DOCK3: variants seen among roughly 807,000 people sequenced by gnomAD.
DOCK3 encodes dedicator of cytokinesis protein 3.
DOCK3 carries 60 observed loss-of-function variants against 265.6 expected under a neutral mutation model. The ratio of observed to expected loss-of-function variants is 0.23; its 90% CI spans 0.18 to 0.28. The LOEUF (loss-of-function observed/expected upper bound fraction) is 0.28. Among genes scored for constraint, DOCK3 ranks in the 10% least tolerant of loss-of-function variants. DOCK3 has a pLI of 1.00. For missense variants in DOCK3, 1,981 were observed against 2,594.3 expected (o/e 0.76, Z 5.14); for synonymous variants, 881 against 938.0 (o/e 0.94, Z 1.11).
intron 5 of DOCK3, among the ~76,000 whole-genome samples, chr3:50,964,048 T>A (rs1233411957): frequency 3.3e-5 from 5 of 152,210 alleles, no homozygotes; most frequent in Admixed American, 3.3e-4. Context: ...CTGCAGATAG[T>A]GTCTGTTCCT....
intron 5 of DOCK3, among the ~76,000 whole-genome samples, chr3:51,016,585 C>CAT (rs1559944363): frequency 4.7e-4 from 35 of 74,414 alleles, no homozygotes; most frequent in Middle Eastern, 0.016. Context: ...TTATATATAT[C>CAT]ATATATTATA....
Position 50,809,399 on chromosome 3 carries a change from A to C in DOCK3, c.121+30641A>C, listed in dbSNP as rs149309347. Among the ~76,000 whole-genome samples, 477 of 152,312 alleles carry C rather than the reference A, an allele frequency of 3.1e-3. 3 individuals carry two copies. The highest frequency in any genetic ancestry group is 0.011 in the African/African-American group (464 of 41,562). On this transcript the variant is annotated intron_variant, in intron 2 of 52. Coordinates refer to ENST00000266037, the MANE Select transcript of DOCK3 (RefSeq NM_004947.5). ...CCACCAGATGGCCACTAGAATGTCT[A>C]AGAATTAAAACACGATACCAAGTGC... is the stretch of plus-strand genomic sequence containing the variant.
At chr3:51,063,256 C>T (rs1188839757) in intron 5 of DOCK3, among the ~76,000 whole-genome samples, 4 of 151,968 alleles carry the variant, frequency 2.6e-5, no homozygotes, top group East Asian at 3.9e-4. Flanking sequence ...CCGAGCCACT[C>T]AGGAGGCTGA....
chr3:51,138,839 CATGTATCTGTGAAGGCAT>C (rs1390346464), intron 9 of DOCK3, among the ~76,000 whole-genome samples: 4 of 152,278 alleles, frequency 2.6e-5, no homozygotes, highest in Admixed American at 2.6e-4. Flanking sequence ...CTTTTATACT[CATGTATCTGTGAAGGCAT>C]ATTATCACAT....
Position 50,741,858 on chromosome 3 carries a change from C to A in DOCK3, c.38-36817C>A, listed in dbSNP as rs564732912. 1.1e-4 allele frequency among the ~76,000 whole-genome samples: 16 copies of A among 152,298 alleles called. 1 individual carries two copies. In the South Asian group the frequency reaches 3.1e-3, roughly 30 times the overall value. On this transcript the variant is annotated intron_variant, in intron 1 of 52. Transcript: ENST00000266037. ...TCCTGAGGAATCACCACATTGACTT[C>A]CACAAGGGTTGAACTAGTTTACAGT... is the stretch of plus-strand genomic sequence containing the variant.
intron 4 of DOCK3, among the ~76,000 whole-genome samples, chr3:50,912,060 T>C (rs1331607270): frequency 6.6e-6 from 1 of 152,120 alleles, no homozygotes; most frequent in Non-Finnish European, 1.5e-5. Flanking sequence ...CTTTCAGTTA[T>C]AATTAATTTT....
intron 4 of DOCK3, among the ~76,000 whole-genome samples, chr3:50,919,894 A>G (rs1037830378): frequency 6.6e-6 from 1 of 152,132 alleles, no homozygotes; most frequent in Non-Finnish European, 1.5e-5. Flanking sequence ...GTTTGTCATA[A>G]ATAGCTCTTA....
At chr3:51,265,909 C>A (rs2108816692) in intron 23 of DOCK3, among the ~76,000 whole-genome samples, 1 of 152,272 alleles carries the variant, frequency 6.6e-6, no homozygotes, top group South Asian at 2.1e-4. Flanking sequence ...GTGAAATTGT[C>A]TCTGTTTACA....
chr3:50,814,905 AC>A (rs1400862571), intron 2 of DOCK3, among the ~76,000 whole-genome samples: 2 of 151,864 alleles, frequency 1.3e-5, no homozygotes, highest in Non-Finnish European at 2.9e-5. Context: ...GCTCACTGCA[AC>A]CTCCGCCTCC....
chr3:51,081,511 C>G (rs149685651), intron 7 of DOCK3, among the ~76,000 whole-genome samples: 74 of 152,266 alleles, frequency 4.9e-4, no homozygotes, highest in Middle Eastern at 6.8e-3. Flanking sequence ...TATGCTGAGT[C>G]AGTCTGCTCA....
At chr3:50,924,261 G>A (rs1276758160) in intron 4 of DOCK3, among the ~76,000 whole-genome samples, 3 of 152,130 alleles carry the variant, frequency 2.0e-5, no homozygotes, top group Non-Finnish European at 4.4e-5. Flanking sequence ...TGTGGTTATG[G>A]GAGAAACATA....
intron 1 of DOCK3, among the ~76,000 whole-genome samples, chr3:50,733,381 A>G (rs568699990): frequency 2.0e-5 from 3 of 152,164 alleles, no homozygotes; most frequent in African/African-American, 7.2e-5. Context: ...ATCTGTTAAT[A>G]TTTGCTTTAT....
At chr3:51,181,718 T>C (rs552305238) in intron 12 of DOCK3, among the ~76,000 whole-genome samples, 1 of 152,250 alleles carries the variant, frequency 6.6e-6, no homozygotes, top group South Asian at 2.1e-4. Context: ...GAGGAGTTCC[T>C]GAGAGAGAAG....
At chr3:50,958,152 T>C (rs536554730) in intron 5 of DOCK3, among the ~76,000 whole-genome samples, 3 of 152,328 alleles carry the variant, frequency 2.0e-5, no homozygotes, top group African/African-American at 7.2e-5. Flanking sequence ...AAGATTTAGT[T>C]TGTTTCTTCC....
intron 19 of DOCK3, among the ~76,000 whole-genome samples, chr3:51,231,126 T>A (rs1436770052): frequency 7.9e-6 from 1 of 126,262 alleles, no homozygotes; most frequent in Non-Finnish European, 1.6e-5. Context: ...TTTGACTTTT[T>A]TTTTTTTTTT....
At position 51,374,152 on chromosome 3, in the gene DOCK3, A is replaced by T. The variant is rs2087903746; in HGVS notation, c.5294-317A>T. Among the ~76,000 whole-genome samples the T allele has an allele frequency of 2.6e-5, 4 of 152,160 alleles. No individual in the cohort carries two copies. Among genetic ancestry groups the T allele is most frequent in the Admixed American group, 2.6e-4 (4 of 15,280 alleles). The stretch of plus-strand genomic sequence containing the variant: ...CACACCCATTTCCTGATAGTGCTTG[A>T]TGCAGGGAGCCCCTAGCCACCCTGC... On this transcript the variant is annotated intron_variant, in intron 49 of 52. Coordinates refer to ENST00000266037, the MANE Select transcript of DOCK3 (RefSeq NM_004947.5). This position sits in a 1 kb window ranked among gnomAD's most constrained non-coding sequence, Gnocchi z 4.8.
At chr3:50,691,744 C>T (rs1336748771) in intron 1 of DOCK3, among the ~76,000 whole-genome samples, 1 of 152,148 alleles carries the variant, frequency 6.6e-6, no homozygotes, top group Non-Finnish European at 1.5e-5. Context: ...GATTTTTGAT[C>T]ATAGCCTTTC....
At chr3:51,049,687 A>C (rs2080914903) in intron 5 of DOCK3, among the ~76,000 whole-genome samples, 1 of 152,096 alleles carries the variant, frequency 6.6e-6, no homozygotes, top group South Asian at 2.1e-4. Context: ...AGCCAGAACA[A>C]ATAGACAAGA....
rs368819970 is a variant in DOCK3 at position 50,925,824 on chromosome 3, C to CTTTTTTTTTTT, written c.219-8143_219-8133dup. Among the ~76,000 whole-genome samples, 11 of 88,428 alleles carry CTTTTTTTTTTT rather than the reference C, an allele frequency of 1.2e-4. 2 individuals carry two copies. The highest frequency in any genetic ancestry group is 5.7e-4 in the African/African-American group (11 of 19,404). The allele number at this position is 88,428 out of a possible 152,430, so 58.0% of individuals were successfully genotyped here. On this transcript the variant is annotated intron_variant, in intron 4 of 52. Transcript: ENST00000266037. Reference sequence around the variant, plus strand: ...TCAGCAGCTACTAGGTAAAACTAGTCTTTTTTTTTTTTTTTTTTTTTTTTG... The same window carrying CTTTTTTTTTTT: ...TCAGCAGCTACTAGGTAAAACTAGTCTTTTTTTTTTTTTTTTTTTTTTTTTTTTTTTTTTTG...
Sources: gnomAD v4.1 joint callset for allele counts (sites outside exome capture counted in the v4.1 genomes callset) on GRCh38, gnomAD v4.1.1 for gene constraint, Gnocchi (gnomAD v3.1) non-coding constraint, MANE v1.5 for transcripts, NCBI Gene and HGNC (gene_info 2026-07-23, HGNC 2026-07-21) for gene names.